HSD11B1L: variants seen among roughly 807,000 people sequenced by gnomAD.
HSD11B1L encodes the protein hydroxysteroid 11-beta-dehydrogenase 1-like protein.
In HSD11B1L, 22 loss-of-function variants were observed where a neutral mutation model predicts 27.0. That is an observed-to-expected ratio of 0.81 (90% CI 0.58 to 1.16). The LOEUF (loss-of-function observed/expected upper bound fraction) is 1.16. Ranked by LOEUF, HSD11B1L falls within the 50% of genes most tolerant of loss-of-function variation. The pLI is 0.00. For missense variants in HSD11B1L, 372 were observed against 401.8 expected (o/e 0.93, Z 0.63); for synonymous variants, 187 against 189.2 (o/e 0.99, Z 0.09).
chr19:5,683,475 T>C (rs2054609392), intron 1 of HSD11B1L, among the ~76,000 whole-genome samples: 1 of 152,168 alleles, frequency 6.6e-6, no homozygotes, highest in African/African-American at 2.4e-5. Context: ...GCACCTACTG[T>C]GTACCTGGCA....
In HSD11B1L at chr19:5,686,866, G is replaced by T. The variant is rs922105568; in HGVS notation, c.317-34G>T. On this transcript the variant is annotated intron_variant, in intron 4 of 7. Transcript: ENST00000339423. ...GGGGTTTGATCGTTTCCTTGGGGAG[G>T]GGCCTCCGGGGCTGACCGGCGTTTC... 4.0e-6 allele frequency: 6 copies of T among 1,498,994 alleles called. No homozygotes were observed. The East Asian group carries it at 1.2e-4, about 31-fold the overall frequency. 92.9% of individuals were successfully genotyped at this position (1,498,994 alleles called of 1,614,324 possible).
chr19:5,687,458 C>T lies in HSD11B1L; in HGVS notation c.503-45C>T. On this transcript the variant is annotated intron_variant, in intron 6 of 7. Transcript: ENST00000339423. The surrounding 1 kb of genome is among the most constrained non-coding windows in gnomAD (Gnocchi z 6.6). Reference sequence around the variant, plus strand: ...AGCCTGGAGGGTCTGGGCAGGCTTCCCGGACGAGGGGGAGCCACTCAGCCG... The same window carrying T: ...AGCCTGGAGGGTCTGGGCAGGCTTCTCGGACGAGGGGGAGCCACTCAGCCG... The T allele has an allele frequency of 6.3e-7, 1 of 1,589,434 alleles. No homozygotes were observed.
In HSD11B1L at chr19:5,687,528, T is replaced by A; in HGVS notation, c.528T>A (p.Thr176=). The change falls in exon 7 of 8, where the codon ACT becomes ACA. Residue 176 remains threonine (T), a synonymous_variant. Transcript: ENST00000339423. This position sits in a 1 kb window ranked among gnomAD's most constrained non-coding sequence, Gnocchi z 6.6. Reference sequence around the variant, plus strand: ...GCCGCGTGCCCACGTCGTTCTCCACTCCCTACTCGGCGGCCAAGTTTGCGC... The same window carrying A: ...GCCGCGTGCCCACGTCGTTCTCCACACCCTACTCGGCGGCCAAGTTTGCGC... ...LLGRVPTSFS[T]PYSAAKFALD... 1 of 1,599,492 alleles carries A rather than the reference T, an allele frequency of 6.3e-7. No individual in the cohort carries two copies. Among genetic ancestry groups the A allele is most frequent in the African/African-American group, 1.3e-5 (1 of 74,964 alleles).
rs2054717943 is a variant in HSD11B1L at position 5,687,132 on chromosome 19, C to T, written c.408+141C>T. 8.8e-6 allele frequency: 10 copies of T among 1,142,552 alleles called. No individual in the cohort carries two copies. The highest frequency in any genetic ancestry group is 1.2e-5 in the Non-Finnish European group (10 of 803,982). 70.8% of individuals were successfully genotyped at this position (1,142,552 alleles called of 1,614,324 possible). On this transcript the variant is annotated intron_variant, in intron 5 of 7. Transcript: ENST00000339423. This position sits in a 1 kb window ranked among gnomAD's most constrained non-coding sequence, Gnocchi z 6.6. ...CAGCCACGCCCCTCCTAGCCCAAGC[C>T]CCTGCTCCGGCCTTGACCCCGCCCT... is the stretch of plus-strand genomic sequence containing the variant.
Position 5,685,314 on chromosome 19 carries a change from A to G in HSD11B1L, c.204+195A>G, listed in dbSNP as rs2054659936. On this transcript the variant is annotated intron_variant, in intron 3 of 7. Transcript: ENST00000339423. This position sits in a 1 kb window ranked among gnomAD's most constrained non-coding sequence, Gnocchi z 4.3. ...ACTTTCTGGCCAGGCACGGTGGCTC[A>G]CGCTTGTAGTCAGCACTTTGGGAGG... The G allele has an allele frequency of 1.3e-6, 1 of 771,734 alleles. No homozygotes were observed. The highest frequency in any genetic ancestry group is 2.2e-6 in the Non-Finnish European group (1 of 451,720). 47.8% of individuals were successfully genotyped at this position (771,734 alleles called of 1,614,324 possible).
At position 5,685,362 on chromosome 19, in the gene HSD11B1L, G is replaced by A; in HGVS notation, c.204+243G>A. ...AGGCCGAGGAAAGTGGATCACCTGA[G>A]GTCAGGAGTTCAAGACCAGCCTGGC... On this transcript the variant is annotated intron_variant, in intron 3 of 7. Coordinates refer to ENST00000339423, the MANE Select transcript of HSD11B1L (RefSeq NM_198706.3). The surrounding 1 kb of genome is among the most constrained non-coding windows in gnomAD (Gnocchi z 4.3). 1 of 644,138 alleles carries A rather than the reference G, an allele frequency of 1.6e-6. No homozygotes were observed. Among genetic ancestry groups the A allele is most frequent in the South Asian group, 1.5e-5 (1 of 66,248 alleles). The allele number at this position is 644,138 out of a possible 1,614,324, so 39.9% of individuals were successfully genotyped here.
At chr19:5,686,153 C>T (rs1306583949) in intron 3 of HSD11B1L, among the ~76,000 whole-genome samples, 1 of 152,172 alleles carries the variant, frequency 6.6e-6, no homozygotes, top group East Asian at 1.9e-4. Context: ...GAGAAGCTAG[C>T]AATCAGGAAA....
Position 5,686,954 on chromosome 19 carries a change from G to A in HSD11B1L, c.371G>A (p.Arg124Gln), listed in dbSNP as rs762308388. ...NHIGGAPAGT[R>Q]ARSPQATRWL... ...ATCGGCGGCGCCCCGGCCGGCACGCGAGCCCGCAGCCCCCAGGCAACTCGC... is the reference window on the plus strand; with the variant it reads ...ATCGGCGGCGCCCCGGCCGGCACGCAAGCCCGCAGCCCCCAGGCAACTCGC... Residue 124 changes from arginine (R) to glutamine (Q), a missense_variant, in exon 5 of 8, where the codon CGA (arginine) becomes CAA (glutamine). Arg to Gln is a conservative substitution (Grantham distance 43, BLOSUM62 1). Transcript: ENST00000339423. The A allele has an allele frequency of 1.0e-4, 157 of 1,551,788 alleles. No homozygotes were observed. The highest frequency in any genetic ancestry group is 1.3e-4 in the Non-Finnish European group (152 of 1,149,000).
intron 4 of HSD11B1L, 30 bp downstream of exon 4, chr19:5,686,557 C>CG: frequency 6.6e-7 from 1 of 1,524,094 alleles, no homozygotes; most frequent in Non-Finnish European, 8.9e-7. Flanking sequence ...GCCTGGAGTC[C>CG]GGGACCGTGG....
rs552868043 is a variant in HSD11B1L at position 5,687,954 on chromosome 19, G to A, written c.*9G>A. On this transcript the variant is annotated 3_prime_UTR_variant, in exon 8 of 8. Coordinates refer to ENST00000339423, the MANE Select transcript of HSD11B1L (RefSeq NM_198706.3). The surrounding 1 kb of genome is among the most constrained non-coding windows in gnomAD (Gnocchi z 6.6). ...CGGCCGCGGCAGCCTGAGCACCGGG[G>A]GGTGCCCCTCCAGTCCCAGACGGCA... 26 of 1,558,660 alleles carry A rather than the reference G, an allele frequency of 1.7e-5. No homozygotes were observed. In the South Asian group the frequency reaches 2.9e-4, roughly 18 times the overall value.
At position 5,687,648 on chromosome 19, in the gene HSD11B1L, C is replaced by T. The variant is rs1254354843; in HGVS notation, c.648C>T (p.Ala216=). The T allele has an allele frequency of 1.3e-6, 2 of 1,589,668 alleles. No homozygotes were observed. The highest frequency in any genetic ancestry group is 1.3e-5 in the African/African-American group (1 of 74,544). The change falls in exon 7 of 8, where the codon GCC becomes GCT. Residue 216 remains alanine (A), a synonymous_variant. Transcript: ENST00000339423. This position sits in a 1 kb window ranked among gnomAD's most constrained non-coding sequence, Gnocchi z 6.6. ...TMCVLGLRDR[A]SAAEAVRGVT... The stretch of plus-strand genomic sequence containing the variant: ...GCGTCCTGGGCCTCCGAGATCGCGC[C>T]TCCGCCGCCGAGGCAGTCAGGTGAG...
chr19:5,686,810 C>G (rs2054704899), intron 4 of HSD11B1L, 90 bp from the exon 5 acceptor site: 5 of 1,131,056 alleles, frequency 4.4e-6, no homozygotes, highest in Non-Finnish European at 6.3e-6. Flanking sequence ...CTCGCTGGAC[C>G]AGCGCTCTGG....
rs74688114 is a variant in HSD11B1L at position 5,682,908 on chromosome 19, C to T, written c.-15+1637C>T. 8.0e-3 allele frequency among the ~76,000 whole-genome samples: 1,208 copies of T among 150,680 alleles called. 24 individuals are homozygous for T. The highest frequency in any genetic ancestry group is 0.026 in the African/African-American group (1,065 of 41,040). Reference sequence around the variant, plus strand: ...TCTCAGCTCACTGCAATCTCCACCCCGCTGGGTTCAAGCAATTCTCCTGCC... The same window carrying T: ...TCTCAGCTCACTGCAATCTCCACCCTGCTGGGTTCAAGCAATTCTCCTGCC... On this transcript the variant is annotated intron_variant, in intron 1 of 7. Coordinates refer to ENST00000339423, the MANE Select transcript of HSD11B1L (RefSeq NM_198706.3).
chr19:5,684,795 C>A, intron 1 of HSD11B1L, 24 bp from the exon 2 acceptor site: 1 of 1,613,284 alleles, frequency 6.2e-7, no homozygotes, highest in Non-Finnish European at 8.5e-7. Context: ...GTGCCGGCCA[C>A]CTCTGTCCCC....
rs1410889135 is a variant in HSD11B1L, at chr19:5,687,925, G to A, written c.841G>A (p.Val281Ile). Residue 281 changes from valine to isoleucine, a missense_variant, in exon 8 of 8, where the codon GTC (valine) becomes ATC (isoleucine). Physicochemically the swap from Val to Ile is conservative, Grantham distance 29. Transcript: ENST00000339423. This position sits in a 1 kb window ranked among gnomAD's most constrained non-coding sequence, Gnocchi z 6.6. ...CTGGTTTATCCGCCAGGAGCTCAAC[G>A]TCACGGCCGCGGCAGCCTGAGCACC... ...RAWFIRQELNVTAAAA is the reference protein window; with the variant it reads ...RAWFIRQELNITAAAA 1.9e-6 allele frequency: 3 copies of A among 1,565,522 alleles called. No individual in the cohort carries two copies. Among genetic ancestry groups the A allele is most frequent in the Non-Finnish European group, 2.6e-6 (3 of 1,154,588 alleles).
chr19:5,687,482 C>A lies in HSD11B1L; in HGVS notation c.503-21C>A. On this transcript the variant is annotated intron_variant, in intron 6 of 7. Coordinates refer to ENST00000339423, the MANE Select transcript of HSD11B1L (RefSeq NM_198706.3). This position sits in a 1 kb window ranked among gnomAD's most constrained non-coding sequence, Gnocchi z 6.6. ...CCCGGACGAGGGGGAGCCACTCAGC[C>A]GCTGCCGTCCGCGCCCCCAGGCCGC... is the stretch of plus-strand genomic sequence containing the variant. The A allele has an allele frequency of 6.3e-7, 1 of 1,587,684 alleles. No homozygotes were observed. The highest frequency in any genetic ancestry group is 8.5e-7 in the Non-Finnish European group (1 of 1,172,368).
Position 5,687,228 on chromosome 19 carries a change from C to A in HSD11B1L, c.409-54C>A. The A allele has an allele frequency of 6.3e-7, 1 of 1,584,396 alleles. No individual in the cohort carries two copies. The highest frequency in any genetic ancestry group is 8.6e-7 in the Non-Finnish European group (1 of 1,161,186). The stretch of plus-strand genomic sequence containing the variant: ...GGCCCCGCCCTCTGGGTTTCTGGCC[C>A]CGCCCTGCCCCTGGGCTCCGCCTCT... On this transcript the variant is annotated intron_variant, in intron 5 of 7. Coordinates refer to ENST00000339423, the MANE Select transcript of HSD11B1L (RefSeq NM_198706.3). The surrounding 1 kb of genome is among the most constrained non-coding windows in gnomAD (Gnocchi z 6.6).
In HSD11B1L at chr19:5,685,016, T is replaced by C. The variant is rs1010641243; in HGVS notation, c.101T>C (p.Leu34Pro). The C allele has an allele frequency of 3.8e-6, 6 of 1,591,722 alleles. No homozygotes were observed. The highest frequency in any genetic ancestry group is 8.6e-7 in the Non-Finnish European group (1 of 1,169,008). ...PASLQGARVL[L>P]TGANAGVGEE... ...AGCCTCCAGGGAGCGCGAGTGCTGC[T>C]GACAGGGGCCAACGCTGGTGTTGGT... Residue 34 changes from leucine (L) to proline (P), a missense_variant, in exon 3 of 8, where the codon CTG (leucine) becomes CCG (proline). Transcript: ENST00000339423. The surrounding 1 kb of genome is among the most constrained non-coding windows in gnomAD (Gnocchi z 4.3).
Position 5,687,531 on chromosome 19 carries a change from C to G in HSD11B1L, c.531C>G (p.Pro177=), listed in dbSNP as rs2145560774. The change falls in exon 7 of 8, where the codon CCC becomes CCG. Residue 177 remains proline, a synonymous_variant. Transcript: ENST00000339423. The surrounding 1 kb of genome is among the most constrained non-coding windows in gnomAD (Gnocchi z 6.6). ...LGRVPTSFST[P]YSAAKFALDG... Reference sequence around the variant, plus strand: ...GCGTGCCCACGTCGTTCTCCACTCCCTACTCGGCGGCCAAGTTTGCGCTGG... The same window carrying G: ...GCGTGCCCACGTCGTTCTCCACTCCGTACTCGGCGGCCAAGTTTGCGCTGG... 6.3e-7 allele frequency: 1 copy of G among 1,599,706 alleles called. No individual in the cohort carries two copies. Among genetic ancestry groups the G allele is most frequent in the Non-Finnish European group, 8.5e-7 (1 of 1,179,432 alleles).
Sources: allele counts gnomAD v4.1 joint callset (sites outside exome capture counted in the v4.1 genomes callset), GRCh38; gene constraint gnomAD v4.1.1; non-coding constraint Gnocchi (gnomAD v3.1); transcripts MANE v1.5; gene names NCBI Gene and HGNC (gene_info 2026-07-23, HGNC 2026-07-21).